PPP1R15B: variants seen among roughly 807,000 people sequenced by gnomAD.
PPP1R15B encodes the protein protein phosphatase 1, regulatory (inhibitor) subunit 15B.
Under a neutral mutation model 53.9 loss-of-function variants are expected in PPP1R15B, and 31 were observed. The ratio of observed to expected loss-of-function variants is 0.58; its 90% CI spans 0.43 to 0.78. The LOEUF (loss-of-function observed/expected upper bound fraction) is 0.78. Ranked by LOEUF, PPP1R15B falls within the 30% of genes least tolerant of loss-of-function variation. PPP1R15B has a pLI of 0.00. For missense variants in PPP1R15B, 928 were observed against 849.6 expected, an observed-to-expected ratio of 1.09 and a Z score of -1.15; for synonymous variants, 345 against 329.1, an observed-to-expected ratio of 1.05 and a Z score of -0.52.
At chr1:204,401,824 G>A (rs1325250740), downstream of PPP1R15B, among the ~76,000 whole-genome samples, 1 of 152,178 alleles carries the variant, frequency 6.6e-6, no homozygotes, top group African/African-American at 2.4e-5. Flanking sequence ...AGAAGGCTGA[G>A]GTGGGAGAAT....
At position 204,411,244 on chromosome 1, in the gene PPP1R15B, G is replaced by C; in HGVS notation, c.168C>G (p.Pro56=). The C allele has an allele frequency of 1.2e-6, 2 of 1,614,240 alleles. No individual in the cohort carries two copies. The highest frequency in any genetic ancestry group is 1.7e-6 in the Non-Finnish European group (2 of 1,180,048). The part of the protein sequence containing the change: ...GNPTLLSSAQ[P]ETRVSYWTKL... ...TCGTCCAGTAACTGACCCGAGTCTCGGGCTGGGCAGAGGAAAGCAGTGTGG... is the reference window on the plus strand; with the variant it reads ...TCGTCCAGTAACTGACCCGAGTCTCCGGCTGGGCAGAGGAAAGCAGTGTGG... The change falls in exon 1 of 2, where the codon CCC becomes CCG. Residue 56 remains proline, a synonymous_variant. Coordinates refer to ENST00000367188, the MANE Select transcript of PPP1R15B (RefSeq NM_032833.5).
rs1558216435 is a variant in PPP1R15B, at chr1:204,409,936, A to G, written c.1476T>C (p.Phe492=). 2 of 1,614,158 alleles carry G rather than the reference A, an allele frequency of 1.2e-6. No homozygotes were observed. Among genetic ancestry groups the G allele is most frequent in the Admixed American group, 1.7e-5 (1 of 60,022 alleles). Residue 492 remains phenylalanine (F), a synonymous_variant, in exon 1 of 2, where the codon TTT becomes TTC. Coordinates refer to ENST00000367188, the MANE Select transcript of PPP1R15B (RefSeq NM_032833.5). ...TGGCAGCAGTCTGAATTGTTGCTGTAAAGTTCTGGGGATTATAAGGATCTA... is the reference window on the plus strand; with the variant it reads ...TGGCAGCAGTCTGAATTGTTGCTGTGAAGTTCTGGGGATTATAAGGATCTA... ...CSVDPYNPQN[F]TATIQTAARI...
At position 204,404,977 on chromosome 1, in the gene PPP1R15B, T is replaced by A; in HGVS notation, c.*1115A>T. 1.0e-6 allele frequency: 1 copy of A among 983,698 alleles called. No homozygotes were observed. The highest frequency in any genetic ancestry group is 4.7e-5 in the South Asian group (1 of 21,238). The allele number at this position is 983,698 out of a possible 1,614,324, so 60.9% of individuals were successfully genotyped here. On this transcript the variant is annotated 3_prime_UTR_variant, in exon 2 of 2. Transcript: ENST00000367188. ...AAAGTAAAGGCCTTGCCATTACTTC[T>A]CTCATTATTAAATAGTAGGACACAA...
At chr1:204,407,355 A>G (rs934178529) in intron 1 of PPP1R15B, among the ~76,000 whole-genome samples, 3 of 152,164 alleles carry the variant, frequency 2.0e-5, no homozygotes, top group Admixed American at 6.5e-5. Flanking sequence ...CTATCACTAT[A>G]TATGAAATTG....
intron 1 of PPP1R15B, among the ~76,000 whole-genome samples, chr1:204,409,182 G>A (rs1674314406): frequency 6.6e-6 from 1 of 152,136 alleles, no homozygotes; most frequent in African/African-American, 2.4e-5. Flanking sequence ...TTAATAGTCC[G>A]TTAAAAAGTG....
Position 204,407,412 on chromosome 1 carries a change from C to T in PPP1R15B, c.1921-1099G>A, listed in dbSNP as rs11240740. On this transcript the variant is annotated intron_variant, in intron 1 of 1. Coordinates refer to ENST00000367188, the MANE Select transcript of PPP1R15B (RefSeq NM_032833.5). ...CATGTAATGAGTGACAATCCCTACT[C>T]ATTACTAATCACTACTTAATTTCTA... 1.4e-3 allele frequency among the ~76,000 whole-genome samples: 207 copies of T among 152,284 alleles called. 2 individuals carry two copies. Among genetic ancestry groups the T allele is most frequent in the African/African-American group, 4.7e-3 (195 of 41,560 alleles).
At chr1:204,406,361 C>T (rs1228325906) in intron 1 of PPP1R15B, 48 bp from the exon 2 acceptor site, 1 of 1,598,972 alleles carries the variant, frequency 6.3e-7, no homozygotes, top group Admixed American at 1.7e-5. Context: ...ATCTTACAAT[C>T]AGCATTGAGG....
chr1:204,404,998 C>T lies in PPP1R15B; in HGVS notation c.*1094G>A, dbSNP rs1055618847. ...CTTCTCTCATTATTAAATAGTAGGA[C>T]ACAATAAACCTGGATATTGACTGAA... On this transcript the variant is annotated 3_prime_UTR_variant, in exon 2 of 2. Coordinates refer to ENST00000367188, the MANE Select transcript of PPP1R15B (RefSeq NM_032833.5). 3.0e-6 allele frequency: 3 copies of T among 985,084 alleles called. No individual in the cohort carries two copies. The African/African-American group carries it at 5.2e-5, about 17-fold the overall frequency. 61.0% of individuals were successfully genotyped at this position (985,084 alleles called of 1,614,324 possible).
chr1:204,402,847 G>A (rs1558213956), downstream of PPP1R15B, among the ~76,000 whole-genome samples: 1 of 151,960 alleles, frequency 6.6e-6, no homozygotes, highest in African/African-American at 2.4e-5. Flanking sequence ...GCCGAGGCAG[G>A]AGGGTCACGA....
chr1:204,410,490 T>C lies in PPP1R15B; in HGVS notation c.922A>G (p.Ser308Gly). ...GGGGTGGGTAAATCTTGCCCCTTGC[T>C]AGCCTGTTGAAGGAATTCCAGCCGT... Reference protein sequence around the residue: ...MKRLEFLQQASKGQDLPTPDQ... With the variant: ...MKRLEFLQQAGKGQDLPTPDQ... The change falls in exon 1 of 2, where the codon AGC becomes GGC. Residue 308 changes from serine to glycine, a missense_variant. By Grantham distance (56) the Ser-to-Gly change is moderately conservative. Coordinates refer to ENST00000367188, the MANE Select transcript of PPP1R15B (RefSeq NM_032833.5). 1 of 1,614,198 alleles carries C rather than the reference T, an allele frequency of 6.2e-7. No individual in the cohort carries two copies. The highest frequency in any genetic ancestry group is 8.5e-7 in the Non-Finnish European group (1 of 1,180,030).
In PPP1R15B at chr1:204,411,735, C is replaced by G. The variant is rs1674385008; in HGVS notation, c.-324G>C. 1 of 420,534 alleles carries G rather than the reference C, an allele frequency of 2.4e-6. No homozygotes were observed. Among genetic ancestry groups the G allele is most frequent in the Non-Finnish European group, 4.3e-6 (1 of 231,492 alleles). 26.1% of individuals were successfully genotyped at this position (420,534 alleles called of 1,614,324 possible). A position where few individuals can be genotyped will look rare whatever the true frequency, so the allele number is the denominator to read the frequency against. ...GCCTCGGCGATGGTTTTCCGACTGA[C>G]AGAGGGTTGAAAAGCCCCTGAGCAA... On this transcript the variant is annotated 5_prime_UTR_variant, in exon 1 of 2. Transcript: ENST00000367188.
chr1:204,405,673 G>A lies in PPP1R15B; in HGVS notation c.*419C>T, dbSNP rs1244276938. 1.0e-6 allele frequency: 1 copy of A among 984,452 alleles called. No individual in the cohort carries two copies. The highest frequency in any genetic ancestry group is 1.2e-6 in the Non-Finnish European group (1 of 828,456). 61.0% of individuals were successfully genotyped at this position (984,452 alleles called of 1,614,324 possible). A position where few individuals can be genotyped will look rare whatever the true frequency, so the allele number is the denominator to read the frequency against. ...CCATTAACTTCTGAATTTTGGGAAA[G>A]AAACAAGAAAGAGCCCAAAGTTTTC... On this transcript the variant is annotated 3_prime_UTR_variant, in exon 2 of 2. Coordinates refer to ENST00000367188, the MANE Select transcript of PPP1R15B (RefSeq NM_032833.5).
Position 204,410,625 on chromosome 1 carries a change from CCT to C in PPP1R15B, c.785_786del (p.Glu262GlyfsTer46). 1.2e-6 allele frequency: 2 copies of C among 1,613,930 alleles called. No individual in the cohort carries two copies. Among genetic ancestry groups the C allele is most frequent in the Non-Finnish European group, 1.7e-6 (2 of 1,179,916 alleles). On this transcript the variant is annotated frameshift_variant, in exon 1 of 2. Coordinates refer to ENST00000367188, the MANE Select transcript of PPP1R15B (RefSeq NM_032833.5). LOFTEE classifies it high-confidence loss of function. ...TLTPESSCLR[E>X]DHCHPQPLSA... ...CTCAGCGGCTGGGGATGACAATGGT[CCT>C]CTCTCAGGCAGCTGCTCTCTGGGGT...
Position 204,410,702 on chromosome 1 carries a change from C to A in PPP1R15B, c.710G>T (p.Ser237Ile). 1 of 1,614,128 alleles carries A rather than the reference C, an allele frequency of 6.2e-7. No homozygotes were observed. Among genetic ancestry groups the A allele is most frequent in the African/African-American group, 1.3e-5 (1 of 75,046 alleles). ...GCTATTTCCATCACTGTTCTGATAG[C>A]TGACTTCTAGCCTAGGAAAGCAGTC... ...YLDCFPRLEVSYQNSDGNSEV... is the reference protein window; with the variant it reads ...YLDCFPRLEVIYQNSDGNSEV... Residue 237 changes from serine (S) to isoleucine (I), a missense_variant, in exon 1 of 2, where the codon AGC (serine) becomes ATC (isoleucine). Transcript: ENST00000367188.
downstream of PPP1R15B, among the ~76,000 whole-genome samples, chr1:204,403,168 C>G (rs1165847100): frequency 6.6e-6 from 1 of 152,126 alleles, no homozygotes; most frequent in Non-Finnish European, 1.5e-5. Context: ...TGTGAATACC[C>G]AGTTTAATTT....
rs1469260557 is a variant in PPP1R15B, at chr1:204,410,666, C to G, written c.746G>C (p.Gly249Ala). The change falls in exon 1 of 2, where the codon GGC (glycine) becomes GCC (alanine). Residue 249 changes from glycine (G) to alanine (A), a missense_variant. Gly to Ala is a moderately conservative substitution (Grantham distance 60). Coordinates refer to ENST00000367188, the MANE Select transcript of PPP1R15B (RefSeq NM_032833.5). ...QNSDGNSEVVGFQTLTPESSC... is the reference protein window; with the variant it reads ...QNSDGNSEVVAFQTLTPESSC... ...GCTCTCTGGGGTTAGTGTCTGGAAG[C>G]CGACTACCTCGCTATTTCCATCACT... 6.2e-7 allele frequency: 1 copy of G among 1,613,860 alleles called. No homozygotes were observed. Among genetic ancestry groups the G allele is most frequent in the African/African-American group, 1.3e-5 (1 of 75,052 alleles).
chr1:204,400,705 C>T (rs939002220), downstream of PPP1R15B: 3 of 965,804 alleles, frequency 3.1e-6, no homozygotes, highest in Non-Finnish European at 2.5e-6. Context: ...AGTCAAGAAC[C>T]GTGTGAGGTC....
chr1:204,406,322 A>T lies in PPP1R15B; in HGVS notation c.1921-9T>A. The T allele has an allele frequency of 6.2e-7, 1 of 1,613,302 alleles. No individual in the cohort carries two copies. The highest frequency in any genetic ancestry group is 8.5e-7 in the Non-Finnish European group (1 of 1,179,614). On this transcript the variant is annotated splice_polypyrimidine_tract_variant and intron_variant, in intron 1 of 1. Coordinates refer to ENST00000367188, the MANE Select transcript of PPP1R15B (RefSeq NM_032833.5). ...TCTTCAAGGAAGGTTACCTACAAAA[A>T]CAAAGACTAATTTTAATAACTGTCT...
At chr1:204,399,479 G>A (rs920690056), downstream of PPP1R15B, among the ~76,000 whole-genome samples, 1 of 151,932 alleles carries the variant, frequency 6.6e-6, no homozygotes, top group Non-Finnish European at 1.5e-5. Flanking sequence ...AGAATCGCTG[G>A]AGCCTGGGAG....
Sources: allele counts gnomAD v4.1 joint callset (sites outside exome capture counted in the v4.1 genomes callset), GRCh38; gene constraint gnomAD v4.1.1; transcripts MANE v1.5; gene names NCBI Gene and HGNC (gene_info 2026-07-23, HGNC 2026-07-21).